The following ZNF77 variants were observed in gnomAD, a reference collection of about 807,000 sequenced individuals.
The protein encoded by ZNF77 is zinc finger protein 77.
In ZNF77, 15 loss-of-function variants were observed where a neutral mutation model predicts 13.5. The observed-to-expected ratio is 1.11, with a 90% confidence interval of 0.74 to 1.71. The LOEUF (loss-of-function observed/expected upper bound fraction) is 1.71. ZNF77 is among the 40% of genes most tolerant of loss of function. The pLI, the probability that ZNF77 is intolerant of heterozygous loss-of-function variation, is 0.00. For missense variants in ZNF77, 717 were observed against 676.4 expected (o/e 1.06, Z -0.67); for synonymous variants, 282 against 250.0 (o/e 1.13, Z -1.21).
At chr19:2,942,450 G>A (rs1025363614) in intron 1 of ZNF77, among the ~76,000 whole-genome samples, 4 of 142,104 alleles carry the variant, frequency 2.8e-5, no homozygotes, top group South Asian at 2.2e-4. Context: ...CCTCAAACTC[G>A]TGGGCTCAAG....
chr19:2,937,692 A>G (rs562871504), intron 2 of ZNF77, among the ~76,000 whole-genome samples: 4 of 152,208 alleles, frequency 2.6e-5, no homozygotes, highest in Admixed American at 1.3e-4. Context: ...AGGAGAAGCC[A>G]CACAGGGCAG....
intron 1 of ZNF77, among the ~76,000 whole-genome samples, chr19:2,942,370 CTTTTTTT>C (rs71179937): frequency 3.9e-5 from 4 of 102,092 alleles, no homozygotes; most frequent in African/African-American, 1.2e-4. Flanking sequence ...GCGCCCGGCT[CTTTTTTT>C]TTTTTTTTTT....
In ZNF77 at chr19:2,934,003, G is replaced by A. The variant is rs1568191196; in HGVS notation, c.1124C>T (p.Thr375Ile). ...SSLRAHMRMH[T>I]GEKPYVCKQC... Reference sequence around the variant, plus strand: ...CTTGCACACATAGGGCTTCTCTCCGGTGTGCATTCTCATGTGTGCTCGCAG... The same window carrying A: ...CTTGCACACATAGGGCTTCTCTCCGATGTGCATTCTCATGTGTGCTCGCAG... The change falls in exon 4 of 4, where the codon ACC becomes ATC. Residue 375 changes from threonine to isoleucine, a missense_variant. Transcript: ENST00000314531. The A allele has an allele frequency of 6.2e-7, 1 of 1,614,168 alleles. No individual in the cohort carries two copies. The highest frequency in any genetic ancestry group is 1.3e-5 in the African/African-American group (1 of 75,060).
chr19:2,938,708 G>A (rs1237046664), intron 2 of ZNF77, among the ~76,000 whole-genome samples: 1 of 152,172 alleles, frequency 6.6e-6, no homozygotes, highest in Non-Finnish European at 1.5e-5. Context: ...TGTAATCCCA[G>A]CACTTTGGGA....
chr19:2,933,955 C>T lies in ZNF77; in HGVS notation c.1172G>A (p.Cys391Tyr). ...VCKQCGKAFG[C>Y]PTYFRRHVKT... Reference sequence around the variant, plus strand: ...CACATGTCTTCTAAAGTAAGTGGGACATCCGAAGGCCTTCCCACACTGCTT... The same window carrying T: ...CACATGTCTTCTAAAGTAAGTGGGATATCCGAAGGCCTTCCCACACTGCTT... The change falls in exon 4 of 4, where the codon TGT becomes TAT. Residue 391 changes from cysteine to tyrosine, a missense_variant. Physicochemically the swap from Cys to Tyr is radical, Grantham distance 194 (BLOSUM62 -2). Transcript: ENST00000314531. 6.2e-7 allele frequency: 1 copy of T among 1,613,488 alleles called. No homozygotes were observed. The highest frequency in any genetic ancestry group is 8.5e-7 in the Non-Finnish European group (1 of 1,179,856).
chr19:2,934,382 A>G lies in ZNF77; in HGVS notation c.745T>C (p.Phe249Leu), dbSNP rs748908004. 1 of 1,614,216 alleles carries G rather than the reference A, an allele frequency of 6.2e-7. No individual in the cohort carries two copies. The highest frequency in any genetic ancestry group is 1.7e-5 in the Admixed American group (1 of 60,014). ...CGTGTAAGGTAGGAGTAATACATAAAGGTCTTCCCACATACTTTACATGCA... is the reference window on the plus strand; with the variant it reads ...CGTGTAAGGTAGGAGTAATACATAAGGGTCTTCCCACATACTTTACATGCA... The part of the protein sequence containing the change: ...THACKVCGKT[F>L]MYYSYLTRHV... Residue 249 changes from phenylalanine to leucine, a missense_variant, in exon 4 of 4, where the codon TTT (phenylalanine) becomes CTT (leucine). Coordinates refer to ENST00000314531, the MANE Select transcript of ZNF77 (RefSeq NM_021217.3).
At chr19:2,939,583 C>A (rs1451739536) in intron 1 of ZNF77, 176 bp from the exon 2 acceptor site, 10 of 806,642 alleles carry the variant, frequency 1.2e-5, no homozygotes, top group Admixed American at 2.9e-5. Context: ...ACCTTCCCAA[C>A]AGGGAGCAAA....
intron 3 of ZNF77, among the ~76,000 whole-genome samples, chr19:2,935,579 C>A (rs1283246085): frequency 6.6e-6 from 1 of 151,726 alleles, no homozygotes; most frequent in Non-Finnish European, 1.5e-5. Flanking sequence ...GATCCACCTG[C>A]CTCAGCCTCC....
At position 2,933,225 on chromosome 19, in the gene ZNF77, G is replaced by A. The variant is rs560492464; in HGVS notation, c.*264C>T. 3.3e-4 allele frequency: 116 copies of A among 355,570 alleles called. No homozygotes were observed. The highest frequency in any genetic ancestry group is 8.2e-4 in the South Asian group (7 of 8,512). The allele number at this position is 355,570 out of a possible 1,614,324, so 22.0% of individuals were successfully genotyped here. A position where few individuals can be genotyped will look rare whatever the true frequency, so the allele number is the denominator to read the frequency against. ...TTACAAAATATACATAGCTGAAAGC[G>A]TACAAAACAGGATATTTATTAAATG... On this transcript the variant is annotated 3_prime_UTR_variant, in exon 4 of 4. Coordinates refer to ENST00000314531, the MANE Select transcript of ZNF77 (RefSeq NM_021217.3).
intron 1 of ZNF77, among the ~76,000 whole-genome samples, chr19:2,942,370 CTT>C (rs71179937): frequency 3.9e-5 from 4 of 102,066 alleles, no homozygotes; most frequent in Admixed American, 2.4e-4. Flanking sequence ...GCGCCCGGCT[CTT>C]TTTTTTTTTT....
chr19:2,939,149 G>GC (rs1219211866), intron 2 of ZNF77, 132 bp downstream of exon 2: 1 of 225,286 alleles, frequency 4.4e-6, no homozygotes, highest in East Asian at 7.8e-5. Context: ...ACCCAAGGAG[G>GC]CAGTGAGGGA....
At position 2,936,688 on chromosome 19, in the gene ZNF77, A is replaced by G; in HGVS notation, c.147T>C (p.Val49=). 3 of 1,606,578 alleles carry G rather than the reference A, an allele frequency of 1.9e-6. No homozygotes were observed. Among genetic ancestry groups the G allele is most frequent in the South Asian group, 1.1e-5 (1 of 89,016 alleles). Residue 49 remains valine (V), a synonymous_variant, in exon 3 of 4, where the codon GTT becomes GTC. Coordinates refer to ENST00000314531, the MANE Select transcript of ZNF77 (RefSeq NM_021217.3). ...TCTGAGAACTTGATCCACTGGTTCT[A>G]ACATAAATGTAACAATCTGCAACAA... ...NLASLDCYIY[V]RTSGSSSQRD... is the part of the protein sequence containing the mutation.
intron 1 of ZNF77, among the ~76,000 whole-genome samples, chr19:2,944,165 G>A (rs1449683736): frequency 8.2e-6 from 1 of 121,828 alleles, no homozygotes; most frequent in East Asian, 2.3e-4. Context: ...CACATCCCTC[G>A]AGCCCGACTC....
chr19:2,934,697 A>T lies in ZNF77; in HGVS notation c.430T>A (p.Cys144Ser). The T allele has an allele frequency of 6.2e-7, 1 of 1,614,120 alleles. No homozygotes were observed. Among genetic ancestry groups the T allele is most frequent in the Admixed American group, 1.7e-5 (1 of 59,998 alleles). ...SYPTEAKPSECTKCGKAFENR... is the reference protein window; with the variant it reads ...SYPTEAKPSESTKCGKAFENR... ...TCGAAGGCTTTGCCACACTTAGTGCACTCAGAGGGTTTAGCTTCGGTAGGG... is the reference window on the plus strand; with the variant it reads ...TCGAAGGCTTTGCCACACTTAGTGCTCTCAGAGGGTTTAGCTTCGGTAGGG... Residue 144 changes from cysteine to serine, a missense_variant, in exon 4 of 4, where the codon TGC becomes AGC. By Grantham distance (112) the Cys-to-Ser change is moderately radical. Coordinates refer to ENST00000314531, the MANE Select transcript of ZNF77 (RefSeq NM_021217.3).
rs2088366290 is a variant in ZNF77 at position 2,933,769 on chromosome 19, T to C, written c.1358A>G (p.Glu453Gly). The C allele has an allele frequency of 2.5e-6, 4 of 1,613,056 alleles. No homozygotes were observed. Among genetic ancestry groups the C allele is most frequent in the Middle Eastern group, 1.7e-4 (1 of 6,058 alleles). The change falls in exon 4 of 4, where the codon GAG (glutamate) becomes GGG (glycine). Residue 453 changes from glutamate to glycine, a missense_variant. Glu to Gly is a moderately conservative substitution (Grantham distance 98). Coordinates refer to ENST00000314531, the MANE Select transcript of ZNF77 (RefSeq NM_021217.3). ...KAFSCHSSLR[E>G]HVRTHSGEKP... is the part of the protein sequence containing the mutation. ...CTCTCCGCTGTGGGTTCGCACATGC[T>C]CTCGAAGGGAGGAGTGACAGCTGAA...
chr19:2,933,505 G>T lies in ZNF77; in HGVS notation c.1622C>A (p.Thr541Lys). 1 of 1,577,364 alleles carries T rather than the reference G, an allele frequency of 6.3e-7. No individual in the cohort carries two copies. Among genetic ancestry groups the T allele is most frequent in the Non-Finnish European group, 8.6e-7 (1 of 1,157,724 alleles). Reference sequence around the variant, plus strand: ...TTCGTAGATTCACGCTCCAGCATGTGTTCTCACATGTGCTTGAAGCGATGC... The same window carrying T: ...TTCGTAGATTCACGCTCCAGCATGTTTTCTCACATGTGCTTGAAGCGATGC... ...YLASLQAHVR[T>K]HAGA Residue 541 changes from threonine to lysine, a missense_variant, in exon 4 of 4, where the codon ACA (threonine) becomes AAA (lysine). Thr to Lys is a moderately conservative substitution (Grantham distance 78). Coordinates refer to ENST00000314531, the MANE Select transcript of ZNF77 (RefSeq NM_021217.3).
chr19:2,938,049 G>A (rs1568193204), intron 2 of ZNF77, among the ~76,000 whole-genome samples: 3 of 152,110 alleles, frequency 2.0e-5, no homozygotes, highest in Admixed American at 6.6e-5. Context: ...GAGCCACTGC[G>A]TGCGGCCAGG....
rs2088374952 is a variant in ZNF77, at chr19:2,934,319, A to G, written c.808T>C (p.Cys270Arg). 1 of 1,613,640 alleles carries G rather than the reference A, an allele frequency of 6.2e-7. No individual in the cohort carries two copies. The highest frequency in any genetic ancestry group is 8.5e-7 in the Non-Finnish European group (1 of 1,179,636). ...CTGAAGGCTTTCCCACACTCCTTAC[A>G]CTCATAGGGTTTCTCTCCTGTGTGA... is the stretch of plus-strand genomic sequence containing the variant. The part of the protein sequence containing the change: ...RTHTGEKPYE[C>R]KECGKAFSCP... Residue 270 changes from cysteine to arginine, a missense_variant, in exon 4 of 4, where the codon TGT (cysteine) becomes CGT (arginine). Physicochemically the swap from Cys to Arg is radical, Grantham distance 180. Coordinates refer to ENST00000314531, the MANE Select transcript of ZNF77 (RefSeq NM_021217.3).
intron 2 of ZNF77, among the ~76,000 whole-genome samples, chr19:2,938,693 A>C (rs1367543757): frequency 1.3e-5 from 2 of 152,198 alleles, no homozygotes; most frequent in Non-Finnish European, 2.9e-5. Flanking sequence ...GCGGTGGCTC[A>C]CGCCTGTAAT....
Sources: allele counts gnomAD v4.1 joint callset (sites outside exome capture counted in the v4.1 genomes callset), GRCh38; gene constraint gnomAD v4.1.1; transcripts MANE v1.5; gene names NCBI Gene and HGNC (gene_info 2026-07-23, HGNC 2026-07-21).